Variants in ACVR1B observed in about 807,000 individuals in gnomAD.
The protein encoded by ACVR1B is activin A receptor type 1B.
Under a neutral mutation model 55.6 loss-of-function variants are expected in ACVR1B, and 15 were observed. That is an observed-to-expected ratio of 0.27 (90% CI 0.18 to 0.42). The LOEUF (loss-of-function observed/expected upper bound fraction) is 0.42, where lower values mean the gene tolerates loss of function less well. Among genes scored for constraint, ACVR1B ranks in the 10% least tolerant of loss-of-function variants. ACVR1B has a pLI of 1.00. For synonymous variants in ACVR1B, 247 were observed against 254.6 expected (o/e 0.97, Z 0.28); for missense variants, 359 against 670.1 (o/e 0.54, Z 5.13).
chr12:51,975,538 G>A, intron 2 of ACVR1B, 34 bp downstream of exon 2: 2 of 1,596,086 alleles, frequency 1.3e-6, no homozygotes, highest in South Asian at 2.2e-5. Flanking sequence ...TAGTGGCTCA[G>A]CTTGGAGATA....
At chr12:51,966,795 G>T (rs995716883) in intron 1 of ACVR1B, among the ~76,000 whole-genome samples, 16 of 152,106 alleles carry the variant, frequency 1.1e-4, no homozygotes, top group African/African-American at 3.4e-4. Context: ...GGTAATAAAG[G>T]ATTTTTGAAC....
At position 51,982,511 on chromosome 12, in the gene ACVR1B, A is replaced by G. The variant is rs1233550820; in HGVS notation, c.811+1312A>G. Among the ~76,000 whole-genome samples, 8 of 152,194 alleles carry G rather than the reference A, an allele frequency of 5.3e-5. No individual in the cohort carries two copies. The South Asian group carries it at 8.3e-4, about 16-fold the overall frequency. On this transcript the variant is annotated intron_variant, in intron 4 of 8. Coordinates refer to ENST00000257963, the MANE Select transcript of ACVR1B (RefSeq NM_004302.5). ...CAGGAAGAAGGGGACAGACACGTGG[A>G]CAGGTAGTGGCACCCGGAGCACAGA...
chr12:51,992,255 A>C (rs1592263848), intron 8 of ACVR1B: 3 of 504,696 alleles, frequency 5.9e-6, no homozygotes, highest in Non-Finnish European at 1.0e-5. Context: ...CTGTAATCGT[A>C]GCGCTTTGAG....
intron 1 of ACVR1B, among the ~76,000 whole-genome samples, chr12:51,968,233 CAAAAAA>C (rs1035284433): frequency 1.3e-5 from 2 of 150,294 alleles, no homozygotes; most frequent in Non-Finnish European, 3.0e-5. Flanking sequence ...AACTGCATCT[CAAAAAA>C]AAAGAATTAT....
At chr12:51,976,600 G>T in intron 3 of ACVR1B, 25 bp downstream of exon 3, 1 of 1,609,718 alleles carries the variant, frequency 6.2e-7, no homozygotes. Flanking sequence ...AGGGCATCAT[G>T]TCTGTGGTTG....
Position 51,985,263 on chromosome 12 carries a change from A to G in ACVR1B, c.1051A>G (p.Ile351Val). 1.2e-6 allele frequency: 2 copies of G among 1,614,118 alleles called. No homozygotes were observed. Among genetic ancestry groups the G allele is most frequent in the Non-Finnish European group, 1.7e-6 (2 of 1,180,010 alleles). The change falls in exon 6 of 9, where the codon ATA (isoleucine) becomes GTA (valine). Residue 351 changes from isoleucine to valine, a missense_variant. By Grantham distance (29) the Ile-to-Val change is conservative. Around this residue, in one of 5 missense-constraint regions of ACVR1B, gnomAD observed 119 missense variants for 340.2 expected, o/e 0.35. Coordinates refer to ENST00000257963, the MANE Select transcript of ACVR1B (RefSeq NM_004302.5). The part of the protein sequence containing the change: ...ILVKKNGMCA[I>V]ADLGLAVRHD... The stretch of plus-strand genomic sequence containing the variant: ...GGTGAAGAAAAATGGCATGTGTGCC[A>G]TAGCAGACCTGGGCCTGGCTGTCCG...
chr12:51,981,442 C>T (rs1413510963), intron 4 of ACVR1B, among the ~76,000 whole-genome samples: 3 of 152,156 alleles, frequency 2.0e-5, no homozygotes, highest in Non-Finnish European at 4.4e-5. Context: ...ACAAGATACA[C>T]CCCCTCACCC....
chr12:51,970,613 G>C (rs1438951002), intron 1 of ACVR1B, among the ~76,000 whole-genome samples: 2 of 152,152 alleles, frequency 1.3e-5, no homozygotes, highest in African/African-American at 4.8e-5. Flanking sequence ...AGAGGGTTGG[G>C]ATAAGGGCCA....
chr12:51,993,853 C>A lies in ACVR1B; in HGVS notation c.1393-132C>A. 5.0e-6 allele frequency: 5 copies of A among 997,392 alleles called. No homozygotes were observed. The Middle Eastern group carries it at 7.6e-4, about 152-fold the overall frequency. 61.8% of individuals were successfully genotyped at this position (997,392 alleles called of 1,614,324 possible). A position where few individuals can be genotyped will look rare whatever the true frequency, so the allele number is the denominator to read the frequency against. On this transcript the variant is annotated intron_variant, in intron 8 of 8. Transcript: ENST00000257963. ...GCCTTGCAGAGCATTTCCCTAAGGT[C>A]GGCCGCCGGGTGGATGTGGATCTGC...
chr12:51,981,695 G>A (rs181136577), intron 4 of ACVR1B, among the ~76,000 whole-genome samples: 3 of 152,248 alleles, frequency 2.0e-5, no homozygotes, highest in Admixed American at 1.3e-4. Context: ...AGCTGGCCAC[G>A]GTGACACCTA....
intron 4 of ACVR1B, chr12:51,982,918 G>A: frequency 8.6e-7 from 1 of 1,163,426 alleles, no homozygotes; most frequent in Non-Finnish European, 1.1e-6. Flanking sequence ...GGGTCCTCAG[G>A]ACTTTGGGGC....
chr12:51,953,023 C>T (rs1460447274), intron 1 of ACVR1B, among the ~76,000 whole-genome samples: 1 of 152,000 alleles, frequency 6.6e-6, no homozygotes, highest in Non-Finnish European at 1.5e-5. Flanking sequence ...GTGTTTTGGC[C>T]TTGGGGTAGC....
intron 1 of ACVR1B, among the ~76,000 whole-genome samples, chr12:51,964,167 T>C (rs567143188): frequency 6.6e-6 from 1 of 152,108 alleles, no homozygotes; most frequent in East Asian, 1.9e-4. Context: ...TAGAGAAGGG[T>C]TCTTGCTCTG....
chr12:51,993,239 CAAGTA>C (rs1397611329), intron 8 of ACVR1B, among the ~76,000 whole-genome samples: 1 of 152,192 alleles, frequency 6.6e-6, no homozygotes, highest in Non-Finnish European at 1.5e-5. Context: ...CTTACCTAGT[CAAGTA>C]GAGAGGTTGG....
At chr12:51,952,820 A>T (rs1458528315) in intron 1 of ACVR1B, among the ~76,000 whole-genome samples, 1 of 25,332 alleles carries the variant, frequency 3.9e-5, no homozygotes, top group African/African-American at 1.5e-4. Flanking sequence ...CAGCCCGCCC[A>T]CCCTCACACA....
chr12:51,991,842 A>T (rs1272826502), intron 7 of ACVR1B, 21 bp from the exon 8 acceptor site: 11 of 1,610,132 alleles, frequency 6.8e-6, no homozygotes, highest in Non-Finnish European at 8.5e-6. Context: ...TAACTCAGGT[A>T]GATACTTTCT....
intron 4 of ACVR1B, chr12:51,982,890 T>C: frequency 4.5e-6 from 6 of 1,343,574 alleles, no homozygotes; most frequent in Non-Finnish European, 5.8e-6. Context: ...TCATGTCTTC[T>C]CTTTGAACTT....
intron 5 of ACVR1B, 113 bp from the exon 6 acceptor site, chr12:51,985,079 G>GTAAA (rs1284011191): frequency 8.9e-7 from 1 of 1,127,206 alleles, no homozygotes; most frequent in Admixed American, 3.2e-5. Context: ...CAGGGTCACT[G>GTAAA]GATTAGCAGG....
chr12:51,961,041 C>G (rs548378817), intron 1 of ACVR1B, among the ~76,000 whole-genome samples: 1 of 96,692 alleles, frequency 1.0e-5, no homozygotes, highest in East Asian at 3.7e-4. Context: ...CTCTGGAATG[C>G]TTCTCCCCAC....
Sources: allele counts gnomAD v4.1 joint callset (sites outside exome capture counted in the v4.1 genomes callset), GRCh38; gene constraint gnomAD v4.1.1; regional missense constraint gnomAD v4.1.1; transcripts MANE v1.5; gene names NCBI Gene and HGNC (gene_info 2026-07-23, HGNC 2026-07-21).